Variants in RPS6KC1 observed in about 807,000 individuals in gnomAD.
RPS6KC1 encodes the protein ribosomal protein S6 kinase C1, also known as inactive ribosomal protein S6 kinase delta-1.
Under a neutral mutation model 103.8 loss-of-function variants are expected in RPS6KC1, and 54 were observed. That is an observed-to-expected ratio of 0.52 (90% CI 0.42 to 0.65). The LOEUF (loss-of-function observed/expected upper bound fraction) is 0.65, where lower values mean the gene tolerates loss of function less well. RPS6KC1 is among the 30% of genes least tolerant of loss of function. RPS6KC1 has a pLI of 0.00. For synonymous variants in RPS6KC1, 439 were observed against 438.7 expected (o/e 1.00, Z -0.01); for missense variants, 1,151 against 1,253.8 (o/e 0.92, Z 1.24).
At chr1:213,308,316 GAAAAA>G in the RPS6KC1 span, among the ~76,000 whole-genome samples, 1 of 55,850 alleles carries the variant, frequency 1.8e-5, no homozygotes, top group Non-Finnish European at 3.9e-5. Flanking sequence ...CCTGTCTCCA[GAAAAA>G]AAAAAAAAAA....
chr1:213,334,188 C>A, the RPS6KC1 span, among the ~76,000 whole-genome samples: 2 of 152,144 alleles, frequency 1.3e-5, no homozygotes, highest in African/African-American at 4.8e-5. Context: ...GTCTTCACAA[C>A]AGTGTCATAA....
chr1:213,517,575 T>C, the RPS6KC1 span, among the ~76,000 whole-genome samples: 1 of 152,228 alleles, frequency 6.6e-6, no homozygotes, highest in Non-Finnish European at 1.5e-5. Flanking sequence ...CTAGTTTGAT[T>C]GCACTGTGGT....
At chr1:213,355,443 C>G in the RPS6KC1 span, among the ~76,000 whole-genome samples, 1 of 152,082 alleles carries the variant, frequency 6.6e-6, no homozygotes, top group South Asian at 2.1e-4. Flanking sequence ...TATACACTAG[C>G]ACGGGCACGG....
At chr1:213,548,267 A>G in the RPS6KC1 span, among the ~76,000 whole-genome samples, 1 of 152,212 alleles carries the variant, frequency 6.6e-6, no homozygotes, top group East Asian at 1.9e-4. Context: ...ATTTATAGAA[A>G]AGTATATAAA....
the RPS6KC1 span, among the ~76,000 whole-genome samples, chr1:213,712,523 C>T: frequency 3.9e-5 from 6 of 152,198 alleles, no homozygotes; most frequent in South Asian, 8.3e-4. Context: ...GGGGAGTCAA[C>T]GGTTCTGTCT....
the RPS6KC1 span, among the ~76,000 whole-genome samples, chr1:213,509,287 A>G: frequency 6.6e-6 from 1 of 152,104 alleles, no homozygotes; most frequent in African/African-American, 2.4e-5. Context: ...TTCTGTCTTT[A>G]CCTGTCTTTT....
At chr1:213,704,282 G>C in the RPS6KC1 span, among the ~76,000 whole-genome samples, 1 of 150,244 alleles carries the variant, frequency 6.7e-6, no homozygotes, top group Admixed American at 6.6e-5. Context: ...AGCTACTCGG[G>C]AGGCTGAGGC....
chr1:213,457,855 T>C, the RPS6KC1 span, among the ~76,000 whole-genome samples: 1 of 152,284 alleles, frequency 6.6e-6, no homozygotes, highest in African/African-American at 2.4e-5. Flanking sequence ...AATTCATAAA[T>C]AGGAAAATAC....
At chr1:213,256,385 C>T (rs2094643555) in intron 12 of RPS6KC1, among the ~76,000 whole-genome samples, 1 of 152,124 alleles carries the variant, frequency 6.6e-6, no homozygotes, top group Non-Finnish European at 1.5e-5. Flanking sequence ...CACTTCGTGT[C>T]TTGGACTAGC....
the RPS6KC1 span, among the ~76,000 whole-genome samples, chr1:213,336,519 C>T: frequency 6.6e-6 from 1 of 152,036 alleles, no homozygotes; most frequent in Admixed American, 6.6e-5. Flanking sequence ...GAACAGAGGC[C>T]CTAAGGGTCA....
chr1:213,859,025 C>CT, the RPS6KC1 span, among the ~76,000 whole-genome samples: 1 of 152,106 alleles, frequency 6.6e-6, no homozygotes, highest in Non-Finnish European at 1.5e-5. Context: ...ATGAGCTGGA[C>CT]TTTTTTTTCC....
chr1:213,189,365 C>A (rs1003522070), intron 8 of RPS6KC1, among the ~76,000 whole-genome samples: 21 of 149,724 alleles, frequency 1.4e-4, no homozygotes, highest in African/African-American at 5.2e-4. Context: ...AAGATAATTG[C>A]TTTAACCCAG....
chr1:213,599,481 A>T, the RPS6KC1 span, among the ~76,000 whole-genome samples: 1 of 151,894 alleles, frequency 6.6e-6, no homozygotes, highest in Non-Finnish European at 1.5e-5. Flanking sequence ...GGGGGGAAAA[A>T]CATTCATGGC....
the RPS6KC1 span, among the ~76,000 whole-genome samples, chr1:213,800,247 C>T: frequency 1.1e-4 from 17 of 152,290 alleles, no homozygotes; most frequent in Non-Finnish European, 2.2e-4. Flanking sequence ...AGGAATTCCA[C>T]GTCATTGATG....
chr1:213,787,684 A>G, the RPS6KC1 span, among the ~76,000 whole-genome samples: 1 of 152,148 alleles, frequency 6.6e-6, no homozygotes, highest in Non-Finnish European at 1.5e-5. Flanking sequence ...AGGGAATAAG[A>G]GTTCTGCTTT....
chr1:213,574,261 A>G, the RPS6KC1 span, among the ~76,000 whole-genome samples: 25 of 151,930 alleles, frequency 1.6e-4, no homozygotes, highest in Middle Eastern at 3.2e-3. Context: ...CTTGCCGTTT[A>G]TTTCTCCTTC....
chr1:213,669,495 A>G, the RPS6KC1 span, among the ~76,000 whole-genome samples: 1 of 152,218 alleles, frequency 6.6e-6, no homozygotes, highest in Non-Finnish European at 1.5e-5. Flanking sequence ...ACAGATCACC[A>G]TAACAGATGT....
chr1:213,074,562 A>G (rs953309403), intron 2 of RPS6KC1, among the ~76,000 whole-genome samples: 1 of 152,146 alleles, frequency 6.6e-6, no homozygotes, highest in Non-Finnish European at 1.5e-5. Context: ...CAGAACTTAG[A>G]AGGAGTAAGA....
At chr1:213,083,178 T>C (rs914248900) in intron 3 of RPS6KC1, among the ~76,000 whole-genome samples, 2 of 151,998 alleles carry the variant, frequency 1.3e-5, no homozygotes, top group African/African-American at 4.8e-5. Flanking sequence ...GACTTTTGTC[T>C]CCCCCAAATT....
Sources: gnomAD v4.1 joint callset for allele counts (sites outside exome capture counted in the v4.1 genomes callset) on GRCh38, gnomAD v4.1.1 for gene constraint, MANE v1.5 for transcripts, NCBI Gene and HGNC (gene_info 2026-07-23, HGNC 2026-07-21) for gene names.